Variants in MAP7D2 observed in about 807,000 individuals in gnomAD.
MAP7D2 encodes the protein MAP7 domain-containing protein 2.
Under a neutral mutation model 63.5 loss-of-function variants are expected in MAP7D2, and 33 were observed. The observed-to-expected ratio is 0.52, with a 90% CI of 0.39 to 0.70. The LOEUF (loss-of-function observed/expected upper bound fraction) is 0.70, where lower values mean the gene tolerates loss of function less well. Ranked by LOEUF, MAP7D2 falls within the 30% of genes least tolerant of loss-of-function variation. The probability of loss-of-function intolerance (pLI) is 0.00; values close to 1 mark genes in which losing one functional copy is unlikely to be tolerated. For synonymous variants in MAP7D2, 224 were observed against 223.7 expected, an observed-to-expected ratio of 1.00 and a Z score of -0.01; for missense variants, 626 against 604.0, an observed-to-expected ratio of 1.04 and a Z score of -0.38.
At chrX:20,059,199 T>C (rs58153878) in intron 3 of MAP7D2, among the ~76,000 whole-genome samples, 3 of 112,272 alleles carry the variant, frequency 2.7e-5, no homozygotes, top group Admixed American at 1.9e-4. Flanking sequence ...TTTAGAGCAA[T>C]AGTTCTCAAA....
chrX:20,115,802 G>C (rs1276282346), intron 1 of MAP7D2, among the ~76,000 whole-genome samples: 1 of 111,555 alleles, frequency 9.0e-6, no homozygotes, highest in African/African-American at 3.3e-5. Flanking sequence ...ATAATTCATC[G>C]AATTATAGTT....
intron 1 of MAP7D2, among the ~76,000 whole-genome samples, chrX:20,083,428 G>T (rs2065827385): frequency 9.0e-6 from 1 of 111,715 alleles, no homozygotes; most frequent in East Asian, 2.8e-4. Context: ...TGGTACCTGG[G>T]CTGTTGTGGC....
At position 20,056,733 on chromosome X, in the gene MAP7D2, T is replaced by A; in HGVS notation, c.431A>T (p.Lys144Ile). ...SLERTQQLEL[K>I]KKYSWGAPLA... ...TGGTGCTCCCCACGAATACTTCTTT[T>A]TCAGCTCCAGCTGCTGTGTGCGCTC... The change falls in exon 4 of 17, where the codon AAA (lysine) becomes ATA (isoleucine). Residue 144 changes from lysine (K) to isoleucine (I), a missense_variant. Transcript: ENST00000379643. The A allele has an allele frequency of 8.3e-7, 1 of 1,211,776 alleles. No homozygotes were observed. Among genetic ancestry groups the A allele is most frequent in the Non-Finnish European group, 1.1e-6 (1 of 895,519 alleles).
At chrX:20,075,197 T>C (rs1328183485) in intron 1 of MAP7D2, among the ~76,000 whole-genome samples, 2 of 112,050 alleles carry the variant, frequency 1.8e-5, no homozygotes, top group Admixed American at 1.9e-4. Flanking sequence ...AAATTTCAGG[T>C]GGAACAGCTC....
intron 1 of MAP7D2, among the ~76,000 whole-genome samples, chrX:20,065,264 CTTTTTTT>C (rs779399409): frequency 2.3e-4 from 21 of 91,441 alleles, no homozygotes; most frequent in Non-Finnish European, 2.9e-4. Flanking sequence ...GAACATTTTA[CTTTTTTT>C]TTTTTTTTTT....
At chrX:20,108,033 G>A (rs1179946993) in intron 1 of MAP7D2, among the ~76,000 whole-genome samples, 2 of 111,229 alleles carry the variant, frequency 1.8e-5, no homozygotes, top group Non-Finnish European at 3.8e-5. Flanking sequence ...CTGGCCCAGG[G>A]CAGAGCTATT....
Position 20,007,145 on chromosome X carries a change from A to G in MAP7D2, c.*1280T>C, listed in dbSNP as rs2073037245. 1.8e-5 allele frequency: 2 copies of G among 112,166 alleles called. No homozygotes were observed. Among genetic ancestry groups the G allele is most frequent in the South Asian group, 7.3e-4 (2 of 2,726 alleles). 9.2% of individuals were successfully genotyped at this position (112,166 alleles called of 1,213,427 possible). On this transcript the variant is annotated 3_prime_UTR_variant, in exon 17 of 17. Coordinates refer to ENST00000379643, the MANE Select transcript of MAP7D2 (RefSeq NM_001168465.2). Reference sequence around the variant, plus strand: ...TACTTTATTGAGTAGAGACACATACACAGACATATAATTTCTGTAACTAAT... The same window carrying G: ...TACTTTATTGAGTAGAGACACATACGCAGACATATAATTTCTGTAACTAAT...
At chrX:20,087,345 A>G (rs992429018) in intron 1 of MAP7D2, among the ~76,000 whole-genome samples, 2 of 111,346 alleles carry the variant, frequency 1.8e-5, no homozygotes, top group African/African-American at 3.3e-5. Context: ...GAGTCCCTCC[A>G]GAGCTGGATG....
intron 6 of MAP7D2, among the ~76,000 whole-genome samples, chrX:20,045,625 A>G (rs757495983): frequency 4.6e-5 from 5 of 108,981 alleles, no homozygotes; most frequent in African/African-American, 1.7e-4. Context: ...CTAGCCAATC[A>G]TCAAACCTGG....
At chrX:20,082,175 A>G (rs1011918708) in intron 1 of MAP7D2, among the ~76,000 whole-genome samples, 4 of 111,953 alleles carry the variant, frequency 3.6e-5, no homozygotes. Flanking sequence ...TTCCGTTTCA[A>G]GAAGATTCCT....
chrX:20,058,683 T>C (rs1445417667), intron 3 of MAP7D2, among the ~76,000 whole-genome samples: 6 of 112,141 alleles, frequency 5.4e-5, no homozygotes, highest in African/African-American at 1.9e-4. Flanking sequence ...AGGAGGCCGA[T>C]GAAAACACAG....
chrX:20,059,679 GAC>G lies in MAP7D2; in HGVS notation c.373-2890_373-2889del, dbSNP rs1484967833. ...GGAAGGAAAGATAGGAAGGAAGAAA[GAC>G]AGGAAGGAAGAAAGGATAGATAGGA... is the stretch of plus-strand genomic sequence containing the variant. On this transcript the variant is annotated intron_variant, in intron 3 of 16. Transcript: ENST00000379643. Among the ~76,000 whole-genome samples the G allele has an allele frequency of 8.7e-5, 9 of 103,552 alleles. No homozygotes were observed. In the Admixed American group the frequency reaches 9.5e-4, roughly 11 times the overall value. The allele number at this position is 103,552 out of a possible 115,157, so 89.9% of individuals were successfully genotyped here.
At chrX:20,072,288 C>T (rs1298463911) in intron 1 of MAP7D2, among the ~76,000 whole-genome samples, 4 of 111,358 alleles carry the variant, frequency 3.6e-5, no homozygotes, top group Non-Finnish European at 7.5e-5. Flanking sequence ...CATTGAATTC[C>T]ATCAGTGCTC....
intron 1 of MAP7D2, among the ~76,000 whole-genome samples, chrX:20,112,243 A>G (rs2066765324): frequency 8.9e-6 from 1 of 111,987 alleles, no homozygotes; most frequent in South Asian, 3.7e-4. Context: ...AGCACTGGTC[A>G]GAAGCTAGGA....
intron 10 of MAP7D2, among the ~76,000 whole-genome samples, chrX:20,021,761 T>C (rs1277439586): frequency 8.9e-6 from 1 of 112,289 alleles, no homozygotes; most frequent in Non-Finnish European, 1.9e-5. Flanking sequence ...CCTAAGACCT[T>C]AGAATCAAAC....
chrX:20,067,424 T>C (rs2065388567), intron 1 of MAP7D2, among the ~76,000 whole-genome samples: 1 of 111,154 alleles, frequency 9.0e-6, no homozygotes, highest in Non-Finnish European at 1.9e-5. Context: ...AAATCTTTAT[T>C]ATCATGCTCA....
rs777643632 is a variant in MAP7D2 at position 20,063,344 on chromosome X, G to T, written c.372+70C>A. ...CTCTCTCCTACCCCAGAGCTGGGCA[G>T]GATGCCCAGGCACTCTGAGCAGCCT... On this transcript the variant is annotated intron_variant, in intron 3 of 16. Transcript: ENST00000379643. 3 of 1,129,000 alleles carry T rather than the reference G, an allele frequency of 2.7e-6. No individual in the cohort carries two copies. In the Admixed American group the frequency reaches 7.6e-5, roughly 29 times the overall value. The allele number at this position is 1,129,000 out of a possible 1,213,427, so 93.0% of individuals were successfully genotyped here.
intron 8 of MAP7D2, among the ~76,000 whole-genome samples, chrX:20,039,001 G>T (rs750494116): frequency 2.7e-5 from 3 of 112,168 alleles, no homozygotes; most frequent in African/African-American, 9.7e-5. Context: ...CCCTTCAGGA[G>T]TGAAACTTTG....
chrX:20,038,113 T>A (rs1179982618), intron 8 of MAP7D2, among the ~76,000 whole-genome samples: 1 of 111,927 alleles, frequency 8.9e-6, no homozygotes, highest in African/African-American at 3.3e-5. Context: ...CTCAAGGTGA[T>A]CAGCCAACTA....
Sources: gnomAD v4.1 joint callset for allele counts (sites outside exome capture counted in the v4.1 genomes callset) on GRCh38, gnomAD v4.1.1 for gene constraint, MANE v1.5 for transcripts, NCBI Gene and HGNC (gene_info 2026-07-23, HGNC 2026-07-21) for gene names.